ZFHX3: variants seen among roughly 807,000 people sequenced by gnomAD.
ZFHX3 encodes zinc finger homeobox 3.
ZFHX3 carries 42 observed loss-of-function variants against 279.1 expected under a neutral mutation model. The ratio of observed to expected loss-of-function variants is 0.15; its 90% CI spans 0.12 to 0.19. ZFHX3 has a LOEUF of 0.19. ZFHX3 is among the 10% of genes least tolerant of loss of function. The probability of loss-of-function intolerance (pLI) is 1.00; values close to 1 mark genes in which losing one functional copy is unlikely to be tolerated. For synonymous variants in ZFHX3, 2,293 were observed against 1,957.8 expected, an observed-to-expected ratio of 1.17 and a Z score of -4.52; for missense variants, 4,981 against 4,754.0, an observed-to-expected ratio of 1.05 and a Z score of -1.40.
chr16:72,810,376 G>C (rs990396272), intron 7 of ZFHX3, among the ~76,000 whole-genome samples: 3 of 152,052 alleles, frequency 2.0e-5, no homozygotes, highest in African/African-American at 7.2e-5. Context: ...AGTAGAGACA[G>C]GGTTTCGCCA....
At chr16:72,792,455 G>GTTCTT (rs1305024227) in intron 9 of ZFHX3, among the ~76,000 whole-genome samples, 7 of 151,986 alleles carry the variant, frequency 4.6e-5, no homozygotes, top group Non-Finnish European at 8.8e-5. Flanking sequence ...CCTTCTGGTA[G>GTTCTT]TTCTTTTTTT....
rs185677511 is a variant in ZFHX3 at position 73,634,045 on chromosome 16, A to G, written c.-1547+46135T>C. On this transcript the variant is annotated intron_variant, in intron 2 of 17. Transcript: ENST00000641206. ...TAAGAGCAACTATTAAATGACTGAA[A>G]TAATATTCTTGACATTTTTATTTAT... Among the ~76,000 whole-genome samples the G allele has an allele frequency of 1.4e-3, 216 of 152,338 alleles. 5 individuals are homozygous for G. Among genetic ancestry groups the G allele is most frequent in the Admixed American group, 0.014 (215 of 15,302 alleles).
At chr16:73,034,100 TAAAAAA>T (rs5817828) in intron 1 of ZFHX3, among the ~76,000 whole-genome samples, 1 of 141,712 alleles carries the variant, frequency 7.1e-6, no homozygotes, top group Non-Finnish European at 1.5e-5. Flanking sequence ...GTAACGAACT[TAAAAAA>T]AAAAAAAAGT....
intron 1 of ZFHX3, among the ~76,000 whole-genome samples, chr16:73,700,763 G>T (rs1212304112): frequency 6.6e-6 from 1 of 152,156 alleles, no homozygotes; most frequent in African/African-American, 2.4e-5. Flanking sequence ...TAATTAAAAT[G>T]TAACAATAAG....
intron 1 of ZFHX3, among the ~76,000 whole-genome samples, chr16:72,969,239 C>T (rs1961991864): frequency 6.6e-6 from 1 of 152,118 alleles, no homozygotes; most frequent in African/African-American, 2.4e-5. Flanking sequence ...GGCTGTGAGG[C>T]TGGACAGAGA....
chr16:73,799,740 T>G (rs1170922262), intron 1 of ZFHX3, among the ~76,000 whole-genome samples: 1 of 152,176 alleles, frequency 6.6e-6, no homozygotes, highest in Non-Finnish European at 1.5e-5. Context: ...AAAGGCGATC[T>G]CCTGTCTTTT....
At chr16:73,265,038 C>T (rs566338810) in intron 4 of ZFHX3, among the ~76,000 whole-genome samples, 13 of 119,914 alleles carry the variant, frequency 1.1e-4, no homozygotes, top group Middle Eastern at 0.01. Context: ...ATATATAACA[C>T]CTCAGCGCAT....
At chr16:73,013,017 G>C (rs1963967766) in intron 1 of ZFHX3, among the ~76,000 whole-genome samples, 2 of 152,166 alleles carry the variant, frequency 1.3e-5, no homozygotes, top group Non-Finnish European at 2.9e-5. Flanking sequence ...GCCAAAGGCA[G>C]CCTATAAGCC....
At chr16:73,355,529 G>C (rs2143297773) in intron 3 of ZFHX3, among the ~76,000 whole-genome samples, 1 of 152,304 alleles carries the variant, frequency 6.6e-6, no homozygotes, top group African/African-American at 2.4e-5. Flanking sequence ...AGCAGGGCAG[G>C]AGCTGGGATG....
At chr16:72,846,220 T>C (rs2037476041) in intron 4 of ZFHX3, among the ~76,000 whole-genome samples, 1 of 152,150 alleles carries the variant, frequency 6.6e-6, no homozygotes, top group Admixed American at 6.5e-5. Flanking sequence ...GAAAAAGGAA[T>C]CCAGGGAGTT....
At chr16:73,682,924 G>GAAAGAGAAAGAAAGAAAGAAAGAAAA (rs766109523) in intron 1 of ZFHX3, among the ~76,000 whole-genome samples, 1 of 43,474 alleles carries the variant, frequency 2.3e-5, no homozygotes, top group Non-Finnish European at 4.8e-5. Flanking sequence ...AAGAGAGAAA[G>GAAAGAGAAAGAAAGAAAGAAAGAAAA]AGAAAGAAAG....
intron 1 of ZFHX3, among the ~76,000 whole-genome samples, chr16:73,785,621 G>A (rs1268286829): frequency 6.6e-6 from 1 of 152,024 alleles, no homozygotes; most frequent in Non-Finnish European, 1.5e-5. Context: ...CGGTATAAAG[G>A]TGGGGTGGTG....
intron 2 of ZFHX3, among the ~76,000 whole-genome samples, chr16:73,583,517 C>T (rs558383097): frequency 9.9e-5 from 15 of 152,164 alleles, no homozygotes; most frequent in South Asian, 2.1e-4. Context: ...GTTAAAATAA[C>T]GCCCACATAA....
chr16:73,220,170 A>G, intron 5 of ZFHX3, among the ~76,000 whole-genome samples: 1 of 152,156 alleles, frequency 6.6e-6, no homozygotes, highest in East Asian at 1.9e-4. Context: ...AGATGGCAAC[A>G]ATAGACGCTG....
At chr16:73,172,339 C>A (rs1313996108) in intron 5 of ZFHX3, among the ~76,000 whole-genome samples, 1 of 152,244 alleles carries the variant, frequency 6.6e-6, no homozygotes, top group Non-Finnish European at 1.5e-5. Flanking sequence ...GCTTCGTGTT[C>A]TTCCCATGTC....
chr16:73,202,877 G>T (rs1206350249), intron 5 of ZFHX3, among the ~76,000 whole-genome samples: 1 of 150,558 alleles, frequency 6.6e-6, no homozygotes, highest in East Asian at 1.9e-4. Context: ...AACTACCTGG[G>T]GTGCCACAAG....
intron 5 of ZFHX3, among the ~76,000 whole-genome samples, chr16:73,177,767 G>T (rs1452757640): frequency 1.3e-5 from 2 of 152,208 alleles, no homozygotes; most frequent in African/African-American, 4.8e-5. Flanking sequence ...TAAAGAGTAG[G>T]AAAGGGATAG....
rs116940740 is a variant in ZFHX3, at chr16:72,925,603, G to A, written c.3216+24866C>T. Among the ~76,000 whole-genome samples, 65 of 152,334 alleles carry A rather than the reference G, an allele frequency of 4.3e-4. 3 individuals are homozygous for A. In the East Asian group the frequency reaches 0.012, roughly 29 times the overall value. On this transcript the variant is annotated intron_variant, in intron 3 of 9. Transcript: ENST00000268489. Reference sequence around the variant, plus strand: ...CCCATACCTGTGTCCACTTAACCCCGTCCCGTGTCTTTCCCTTATCTTGAG... The same window carrying A: ...CCCATACCTGTGTCCACTTAACCCCATCCCGTGTCTTTCCCTTATCTTGAG...
intron 7 of ZFHX3, among the ~76,000 whole-genome samples, chr16:73,124,152 CTG>C (rs1178844207): frequency 6.6e-6 from 1 of 152,124 alleles, no homozygotes; most frequent in African/African-American, 2.4e-5. Flanking sequence ...GTGTTTTGGC[CTG>C]TTCCGGCTGC....
Sources: allele counts gnomAD v4.1 joint callset (sites outside exome capture counted in the v4.1 genomes callset), GRCh38; gene constraint gnomAD v4.1.1; transcripts MANE v1.5; gene names NCBI Gene and HGNC (gene_info 2026-07-23, HGNC 2026-07-21).